The following FAT3 variants were observed in gnomAD, a reference collection of about 807,000 sequenced individuals.
FAT3 encodes the protein FAT atypical cadherin 3, also known as protocadherin Fat 3.
FAT3 carries 95 observed loss-of-function variants against 310.2 expected under a neutral mutation model. That is an observed-to-expected ratio of 0.31 (90% CI 0.26 to 0.36). FAT3 has a LOEUF of 0.36. Among genes scored for constraint, FAT3 ranks in the 10% least tolerant of loss-of-function variants. The pLI is 1.00. For synonymous variants in FAT3, 2,314 were observed against 2,192.9 expected (o/e 1.06, Z -1.54); for missense variants, 5,408 against 5,715.6 (o/e 0.95, Z 1.74).
At chr11:92,869,459 A>G (rs1949332791) in intron 22 of FAT3, among the ~76,000 whole-genome samples, 1 of 152,236 alleles carries the variant, frequency 6.6e-6, no homozygotes, top group Non-Finnish European at 1.5e-5. Context: ...AGCCAAGGGC[A>G]TGAGATTCCT....
At chr11:92,781,593 G>T (rs550147084) in intron 7 of FAT3, among the ~76,000 whole-genome samples, 1 of 152,164 alleles carries the variant, frequency 6.6e-6, no homozygotes, top group South Asian at 2.1e-4. Flanking sequence ...ACTCATTATT[G>T]AAATCATCTG....
chr11:92,633,960 G>T (rs1003086342), intron 3 of FAT3, among the ~76,000 whole-genome samples: 5 of 152,192 alleles, frequency 3.3e-5, no homozygotes, highest in African/African-American at 1.2e-4. Flanking sequence ...GATATTAAAT[G>T]AACAGTTCCA....
chr11:92,280,111 T>C (rs1427804838), intron 1 of FAT3, among the ~76,000 whole-genome samples: 4 of 152,126 alleles, frequency 2.6e-5, no homozygotes, highest in African/African-American at 9.7e-5. Flanking sequence ...CAAAAAAGAC[T>C]ATATTGTTGA....
intron 2 of FAT3, among the ~76,000 whole-genome samples, chr11:92,520,713 G>T: frequency 6.6e-6 from 1 of 152,060 alleles, no homozygotes; most frequent in East Asian, 1.9e-4. Context: ...GTGTTAGCAT[G>T]ATTAATATTG....
chr11:92,809,259 C>A (rs1233123336), intron 12 of FAT3, among the ~76,000 whole-genome samples: 1 of 152,182 alleles, frequency 6.6e-6, no homozygotes, highest in African/African-American at 2.4e-5. Flanking sequence ...AATGTCAGGC[C>A]CTTCCACAAT....
chr11:92,712,803 A>T (rs1193137493), intron 4 of FAT3, among the ~76,000 whole-genome samples: 2 of 152,238 alleles, frequency 1.3e-5, no homozygotes, highest in African/African-American at 2.4e-5. Context: ...AGAAAACACC[A>T]TCTATAAGGT....
chr11:92,416,142 G>A (rs1450161168), intron 2 of FAT3, among the ~76,000 whole-genome samples: 4 of 148,284 alleles, frequency 2.7e-5, no homozygotes, highest in Non-Finnish European at 5.9e-5. Flanking sequence ...TTGGAAGGCT[G>A]AGGTGGGCAG....
At chr11:92,386,374 G>T (rs187258255) in intron 2 of FAT3, among the ~76,000 whole-genome samples, 1 of 152,216 alleles carries the variant, frequency 6.6e-6, no homozygotes, top group East Asian at 1.9e-4. Flanking sequence ...ACATATACAA[G>T]ACTTCAAACA....
intron 23 of FAT3, among the ~76,000 whole-genome samples, 153 bp from the exon 24 acceptor site, chr11:92,882,585 T>TACCCC (rs757060368): frequency 1.1e-5 from 1 of 93,174 alleles, no homozygotes; most frequent in Non-Finnish European, 2.2e-5. Context: ...TAACTCCCCC[T>TACCCC]CCCCCCCCCC....
chr11:92,859,141 G>A, intron 20 of FAT3, 24 bp from the exon 21 acceptor site: 1 of 1,605,434 alleles, frequency 6.2e-7, no homozygotes, highest in Non-Finnish European at 8.5e-7. Flanking sequence ...AAATATATAT[G>A]TCTTCTCATA....
chr11:92,306,850 G>T (rs1200006443), intron 1 of FAT3, among the ~76,000 whole-genome samples: 2 of 145,572 alleles, frequency 1.4e-5, no homozygotes, highest in Non-Finnish European at 3.0e-5. Context: ...GAAGGCAGTG[G>T]TGTGATCATA....
chr11:92,373,590 T>C (rs952590095), intron 2 of FAT3, among the ~76,000 whole-genome samples: 2 of 152,170 alleles, frequency 1.3e-5, no homozygotes, highest in Non-Finnish European at 2.9e-5. Flanking sequence ...ATATGTATTA[T>C]ATATTATGCA....
chr11:92,718,241 A>T (rs1944748436), intron 4 of FAT3, among the ~76,000 whole-genome samples: 1 of 152,128 alleles, frequency 6.6e-6, no homozygotes, highest in Admixed American at 6.6e-5. Context: ...CCACACACAC[A>T]CCAAAAGTAT....
chr11:92,340,609 A>G (rs1948227343), intron 1 of FAT3, among the ~76,000 whole-genome samples: 1 of 152,132 alleles, frequency 6.6e-6, no homozygotes, highest in Admixed American at 6.5e-5. Flanking sequence ...TGGTAACTTC[A>G]TTTCAAGGAT....
intron 22 of FAT3, among the ~76,000 whole-genome samples, chr11:92,873,612 A>G (rs945930721): frequency 1.3e-5 from 2 of 152,254 alleles, no homozygotes; most frequent in Admixed American, 1.3e-4. Context: ...GCCCAAATTA[A>G]TGCTATAATT....
At chr11:92,232,232 G>A (rs1366293505) in intron 1 of FAT3, among the ~76,000 whole-genome samples, 1 of 152,058 alleles carries the variant, frequency 6.6e-6, no homozygotes, top group African/African-American at 2.4e-5. Context: ...GTTATGGATA[G>A]AATGGGGTGT....
intron 2 of FAT3, among the ~76,000 whole-genome samples, chr11:92,368,925 T>C (rs900892875): frequency 3.9e-5 from 5 of 128,424 alleles, no homozygotes; most frequent in South Asian, 2.1e-4. Flanking sequence ...CATATATATA[T>C]ACACACATAT....
At chr11:92,533,018 C>T (rs1409826276) in intron 3 of FAT3, among the ~76,000 whole-genome samples, 2 of 152,130 alleles carry the variant, frequency 1.3e-5, no homozygotes, top group African/African-American at 2.4e-5. Context: ...GGACTTAGAC[C>T]AGTGTCCCAG....
At chr11:92,538,610 T>C (rs1032517898) in intron 3 of FAT3, among the ~76,000 whole-genome samples, 2 of 152,144 alleles carry the variant, frequency 1.3e-5, no homozygotes, top group Admixed American at 1.3e-4. Context: ...GTCTCTGATA[T>C]ATACTACATA....
Sources: gnomAD v4.1 joint callset for allele counts (sites outside exome capture counted in the v4.1 genomes callset) on GRCh38, gnomAD v4.1.1 for gene constraint, MANE v1.5 for transcripts, NCBI Gene and HGNC (gene_info 2026-07-23, HGNC 2026-07-21) for gene names.